Variants in RBFOX2 observed in about 807,000 individuals in gnomAD.
RBFOX2 encodes RNA binding fox-1 homolog 2, also known as RNA binding protein fox-1 homolog 2.
RBFOX2 carries 10 observed loss-of-function variants against 49.1 expected under a neutral mutation model. The ratio of observed to expected loss-of-function variants is 0.20; its 90% CI spans 0.13 to 0.35. The LOEUF (loss-of-function observed/expected upper bound fraction) is 0.35, where lower values mean the gene tolerates loss of function less well. Ranked by LOEUF, RBFOX2 falls within the 10% of genes least tolerant of loss-of-function variation. RBFOX2 has a pLI of 1.00. For synonymous variants in RBFOX2, 183 were observed against 187.4 expected (o/e 0.98, Z 0.19); for missense variants, 323 against 486.9 (o/e 0.66, Z 3.17).
intron 1 of RBFOX2, among the ~76,000 whole-genome samples, chr22:35,915,953 C>T (rs2050361919): frequency 6.6e-6 from 1 of 152,170 alleles, no homozygotes; most frequent in African/African-American, 2.4e-5. Context: ...CTCCGTATGC[C>T]TCCTCTTTGT....
At chr22:35,955,804 A>G (rs1046049124) in intron 1 of RBFOX2, among the ~76,000 whole-genome samples, 3 of 152,098 alleles carry the variant, frequency 2.0e-5, no homozygotes, top group Admixed American at 1.3e-4. Context: ...GGGATTGGAG[A>G]TGGAATGGAG....
At chr22:35,859,251 T>TA (rs1016177064) in intron 1 of RBFOX2, among the ~76,000 whole-genome samples, 1 of 152,256 alleles carries the variant, frequency 6.6e-6, no homozygotes, top group Admixed American at 6.5e-5. Context: ...AAATGTACTT[T>TA]AAAAAAACTA....
At chr22:35,816,680 A>G (rs1233998069) in intron 1 of RBFOX2, among the ~76,000 whole-genome samples, 1 of 152,232 alleles carries the variant, frequency 6.6e-6, no homozygotes, top group Non-Finnish European at 1.5e-5. Context: ...CCAAGATCCC[A>G]AGGAAGCTCA....
intron 2 of RBFOX2, among the ~76,000 whole-genome samples, chr22:35,789,292 C>A (rs2147412923): frequency 6.6e-6 from 1 of 152,258 alleles, no homozygotes; most frequent in African/African-American, 2.4e-5. Flanking sequence ...CCTGTAATCC[C>A]AGCACTTTGG....
In RBFOX2 at chr22:35,927,772, G is replaced by A. The variant is rs543890170; in HGVS notation, c.-34+11075C>T. Among the ~76,000 whole-genome samples, 5 of 152,132 alleles carry A rather than the reference G, an allele frequency of 3.3e-5. 1 individual carries two copies. The highest frequency in any genetic ancestry group is 2.1e-4 in the South Asian group (1 of 4,818). ...TCCCAAAAATGACTCCCTCTTATAC[G>A]CATGCTGCCAAGACCCAAGAGTCAG... is the stretch of plus-strand genomic sequence containing the variant. On this transcript the variant is annotated intron_variant, in intron 1 of 13. Coordinates refer to the RBFOX2 transcript ENST00000359369.
intron 3 of RBFOX2, 84 bp from the exon 5 acceptor site, chr22:35,778,162 A>G: frequency 8.9e-7 from 1 of 1,129,090 alleles, no homozygotes; most frequent in Admixed American, 2.1e-5. Context: ...GGAATAGTTT[A>G]TTTTTCTTCT....
At chr22:36,008,358 G>C (rs761767033) in intron 1 of RBFOX2, among the ~76,000 whole-genome samples, 3 of 152,018 alleles carry the variant, frequency 2.0e-5, no homozygotes, top group Non-Finnish European at 2.9e-5. Context: ...CAAAAGAAGG[G>C]GGAGGGCTGT....
At position 35,902,830 on chromosome 22, in the gene RBFOX2, A is replaced by AAC. The variant is rs1010717588; in HGVS notation, c.-34+36016_-34+36017insGT. On this transcript the variant is annotated intron_variant, in intron 1 of 13. Transcript: ENST00000359369. ...CAGCTAATTAAAAAAAAAAAAAAAAAATTTAGAGAAGGGGCGGGTCTCACT... is the reference window on the plus strand; with the variant it reads ...CAGCTAATTAAAAAAAAAAAAAAAAAACATTTAGAGAAGGGGCGGGTCTCACT... 3.1e-3 allele frequency among the ~76,000 whole-genome samples: 470 copies of AAC among 150,880 alleles called. 1 individual carries two copies. The highest frequency in any genetic ancestry group is 0.01 in the African/African-American group (419 of 40,922).
At chr22:35,990,750 A>G (rs2057942473) in intron 1 of RBFOX2, among the ~76,000 whole-genome samples, 1 of 152,212 alleles carries the variant, frequency 6.6e-6, no homozygotes, top group African/African-American at 2.4e-5. Flanking sequence ...ACAATCCAAG[A>G]GCTACAAGTT....
chr22:35,744,317 T>C (rs1237346582), intron 11 of RBFOX2, 68 bp from the exon 14 acceptor site: 6 of 1,427,270 alleles, frequency 4.2e-6, no homozygotes, highest in Non-Finnish European at 5.8e-6. Flanking sequence ...TGAAGAAAAA[T>C]GTCCAGAGAG....
intron 1 of RBFOX2, among the ~76,000 whole-genome samples, chr22:35,934,177 AC>A (rs1360699784): frequency 1.3e-5 from 2 of 151,672 alleles, no homozygotes; most frequent in African/African-American, 2.4e-5. Flanking sequence ...AAAAAAAAAA[AC>A]AAATTAGAAC....
At chr22:35,963,532 T>C (rs1277235050), upstream of RBFOX2, among the ~76,000 whole-genome samples, 1 of 152,122 alleles carries the variant, frequency 6.6e-6, no homozygotes, top group African/African-American at 2.4e-5. Context: ...TTTCTGAGAG[T>C]GCCCATCAAC....
upstream of RBFOX2, among the ~76,000 whole-genome samples, chr22:35,844,913 G>A (rs1322367395): frequency 6.6e-6 from 1 of 152,012 alleles, no homozygotes; most frequent in Non-Finnish European, 1.5e-5. Flanking sequence ...GAATAGTTCA[G>A]ATTCTAGACA....
chr22:35,926,353 A>G (rs1320552534), intron 1 of RBFOX2, among the ~76,000 whole-genome samples: 1 of 152,228 alleles, frequency 6.6e-6, no homozygotes, highest in Non-Finnish European at 1.5e-5. Context: ...AAAATTGCTA[A>G]TGGAAATTCT....
At chr22:35,816,014 T>A (rs1359770090) in intron 1 of RBFOX2, among the ~76,000 whole-genome samples, 1 of 152,038 alleles carries the variant, frequency 6.6e-6, no homozygotes, top group Non-Finnish European at 1.5e-5. Flanking sequence ...TATATAACTG[T>A]TCTCTCAGAA....
At chr22:36,028,507 G>C (rs2059538257) in exon 1 of RBFOX2, 5 of 1,045,324 alleles carry the variant, frequency 4.8e-6, no homozygotes, top group African/African-American at 1.7e-5. Context: ...CGACTGTCGC[G>C]ACAGGCGGGC....
intron 1 of RBFOX2, among the ~76,000 whole-genome samples, chr22:35,826,544 T>C (rs1275700003): frequency 6.6e-6 from 1 of 152,074 alleles, no homozygotes; most frequent in African/African-American, 2.4e-5. Context: ...TTCCTAAAGA[T>C]TGCATATAAG....
At chr22:35,922,782 T>C (rs1162136368) in intron 1 of RBFOX2, among the ~76,000 whole-genome samples, 1 of 152,162 alleles carries the variant, frequency 6.6e-6, no homozygotes, top group Admixed American at 6.5e-5. Context: ...TTTACTAGAA[T>C]AGAGCCACAA....
At chr22:35,765,431 T>C in exon 6 of RBFOX2, 1 of 1,512,366 alleles carries the variant, frequency 6.6e-7, no homozygotes, top group Non-Finnish European at 9.1e-7. Context: ...ACCATTTGCA[T>C]ATGGTGTGAC....
Sources: gnomAD v4.1 joint callset for allele counts (sites outside exome capture counted in the v4.1 genomes callset) on GRCh38, gnomAD v4.1.1 for gene constraint, MANE v1.5 for transcripts, NCBI Gene and HGNC (gene_info 2026-07-23, HGNC 2026-07-21) for gene names.